CPA6: variants seen among roughly 807,000 people sequenced by gnomAD.
CPA6 encodes carboxypeptidase B.
In CPA6, 58 loss-of-function variants were observed where a neutral mutation model predicts 63.3. That is an observed-to-expected ratio of 0.92 (90% CI 0.74 to 1.14). The LOEUF is 1.14. Among genes scored for constraint, CPA6 ranks in the 50% most tolerant of loss-of-function variants. The probability of loss-of-function intolerance (pLI) is 0.00; values close to 1 mark genes in which losing one functional copy is unlikely to be tolerated. For missense variants in CPA6, 565 were observed against 526.6 expected (o/e 1.07, Z -0.71); for synonymous variants, 185 against 179.0 (o/e 1.03, Z -0.27).
chr8:67,719,633 G>T (rs1398837421), intron 1 of CPA6, among the ~76,000 whole-genome samples: 1 of 152,058 alleles, frequency 6.6e-6, no homozygotes, highest in Non-Finnish European at 1.5e-5. Context: ...ATTGGAGGGG[G>T]TGAAACTGGA....
At position 67,422,612 on chromosome 8, in the gene CPA6, A is replaced by C. The variant is rs779410265; in HGVS notation, c.1206T>G (p.Thr402=). The change falls in exon 11 of 11, where the codon ACT becomes ACG. Residue 402 remains threonine, a synonymous_variant. Coordinates refer to ENST00000297770, the MANE Select transcript of CPA6 (RefSeq NM_020361.5). ...CTGGGAGTAAAAATCCAAAATATCC[A>C]GTGTCACGTAGTTCGAAAGCAAATG... The part of the protein sequence containing the change: ...PYAFAFELRD[T]GYFGFLLPEM... 1 of 1,614,074 alleles carries C rather than the reference A, an allele frequency of 6.2e-7. No individual in the cohort carries two copies. The highest frequency in any genetic ancestry group is 8.5e-7 in the Non-Finnish European group (1 of 1,179,946).
intron 10 of CPA6, among the ~76,000 whole-genome samples, chr8:67,426,091 A>G (rs943747574): frequency 1.3e-5 from 2 of 151,782 alleles, no homozygotes; most frequent in African/African-American, 4.8e-5. Context: ...GCCTCAGCCA[A>G]CTGGGTAGCT....
At chr8:67,650,993 A>G (rs1466773442) in intron 1 of CPA6, among the ~76,000 whole-genome samples, 1 of 152,144 alleles carries the variant, frequency 6.6e-6, no homozygotes, top group African/African-American at 2.4e-5. Context: ...AAGAATAATC[A>G]GTGAGGGGAT....
chr8:67,541,613 C>T (rs146146579), intron 2 of CPA6, among the ~76,000 whole-genome samples: 13 of 152,204 alleles, frequency 8.5e-5, no homozygotes, highest in Admixed American at 7.2e-4. Flanking sequence ...TCAGGGAGCT[C>T]GGTTGTTGGA....
chr8:67,427,987 A>T, intron 10 of CPA6, 60 bp downstream of exon 10: 2 of 1,127,228 alleles, frequency 1.8e-6, no homozygotes, highest in Non-Finnish European at 2.6e-6. Flanking sequence ...AAAGGAAGTC[A>T]TGATACAGGA....
intron 1 of CPA6, among the ~76,000 whole-genome samples, chr8:67,677,298 T>C (rs933454541): frequency 2.6e-5 from 4 of 152,132 alleles, no homozygotes; most frequent in African/African-American, 9.7e-5. Context: ...TGCCTAGTCA[T>C]TTCTGCTGAA....
intron 2 of CPA6, among the ~76,000 whole-genome samples, chr8:67,596,874 T>G (rs147128057): frequency 6.2e-4 from 94 of 152,298 alleles, no homozygotes; most frequent in African/African-American, 2.1e-3. Context: ...AATTTGGGTT[T>G]ATCTGATATT....
chr8:67,422,627 G>T lies in CPA6; in HGVS notation c.1191C>A (p.Phe397Leu). The T allele has an allele frequency of 6.2e-7, 1 of 1,613,856 alleles. No individual in the cohort carries two copies. Among genetic ancestry groups the T allele is most frequent in the Non-Finnish European group, 8.5e-7 (1 of 1,179,920 alleles). ...YKNGIPYAFA[F>L]ELRDTGYFGF... Reference sequence around the variant, plus strand: ...CAAAATATCCAGTGTCACGTAGTTCGAAAGCAAATGCATAAGGTATTCCAT... The same window carrying T: ...CAAAATATCCAGTGTCACGTAGTTCTAAAGCAAATGCATAAGGTATTCCAT... Residue 397 changes from phenylalanine (F) to leucine (L), a missense_variant, in exon 11 of 11, where the codon TTC (phenylalanine) becomes TTA (leucine). By Grantham distance (22) the Phe-to-Leu change is conservative (BLOSUM62 0). Coordinates refer to ENST00000297770, the MANE Select transcript of CPA6 (RefSeq NM_020361.5).
chr8:67,433,432 G>C (rs185143006), intron 9 of CPA6, among the ~76,000 whole-genome samples: 65 of 152,266 alleles, frequency 4.3e-4, no homozygotes, highest in Middle Eastern at 6.8e-3. Context: ...AAGAAACTCT[G>C]CTTTTTCATT....
At chr8:67,613,820 A>G (rs1386959878) in intron 2 of CPA6, among the ~76,000 whole-genome samples, 2 of 152,140 alleles carry the variant, frequency 1.3e-5, no homozygotes, top group Non-Finnish European at 2.9e-5. Flanking sequence ...TCCTGCACCC[A>G]TATAAACCCT....
intron 2 of CPA6, among the ~76,000 whole-genome samples, chr8:67,535,480 CAT>C (rs1812565579): frequency 6.6e-6 from 1 of 152,136 alleles, no homozygotes; most frequent in South Asian, 2.1e-4. Context: ...GAGCTTTTTT[CAT>C]ATGTTTGTTG....
Position 67,422,095 on chromosome 8 carries a change from T to C in CPA6, c.*409A>G, listed in dbSNP as rs1433660617. ...CCTATGTTTATTACATTAAGAAGCA[T>C]AGTTGTTTTTTTCCATTTCATAATT... is the stretch of plus-strand genomic sequence containing the variant. On this transcript the variant is annotated 3_prime_UTR_variant, in exon 11 of 11. Coordinates refer to ENST00000297770, the MANE Select transcript of CPA6 (RefSeq NM_020361.5). 1 of 157,854 alleles carries C rather than the reference T, an allele frequency of 6.3e-6. No individual in the cohort carries two copies. The highest frequency in any genetic ancestry group is 1.4e-5 in the Non-Finnish European group (1 of 71,594). The allele number at this position is 157,854 out of a possible 1,614,324, so 9.8% of individuals were successfully genotyped here.
intron 8 of CPA6, among the ~76,000 whole-genome samples, chr8:67,440,990 C>T (rs1170356749): frequency 6.6e-6 from 1 of 152,080 alleles, no homozygotes; most frequent in African/African-American, 2.4e-5. Context: ...CACAAATAAC[C>T]TTTTTCCAAA....
At chr8:67,478,483 G>A (rs1205906819) in intron 8 of CPA6, among the ~76,000 whole-genome samples, 1 of 152,154 alleles carries the variant, frequency 6.6e-6, no homozygotes. Flanking sequence ...ATTTGAGGTT[G>A]GGGGCAATCT....
At chr8:67,718,754 C>T (rs1051908998) in intron 1 of CPA6, among the ~76,000 whole-genome samples, 3 of 151,002 alleles carry the variant, frequency 2.0e-5, no homozygotes, top group Non-Finnish European at 4.4e-5. Context: ...TCAAGTGATT[C>T]TCCTCCCTCA....
intron 2 of CPA6, among the ~76,000 whole-genome samples, chr8:67,537,382 G>A (rs1462756397): frequency 5.9e-5 from 9 of 152,104 alleles, no homozygotes; most frequent in Non-Finnish European, 8.8e-5. Context: ...ACTTGTTATT[G>A]GTCTATTTAG....
rs188289081 is a variant in CPA6, at chr8:67,564,489, C to T, written c.193-46442G>A. On this transcript the variant is annotated intron_variant, in intron 2 of 10. Transcript: ENST00000297770. ...TAGCTTATTTAATTCAGGCCTCCTACTTGTGACTCAAGAATATATCCTTTT... is the reference window on the plus strand; with the variant it reads ...TAGCTTATTTAATTCAGGCCTCCTATTTGTGACTCAAGAATATATCCTTTT... Among the ~76,000 whole-genome samples, 550 of 151,688 alleles carry T rather than the reference C, an allele frequency of 3.6e-3. 3 individuals carry two copies. The highest frequency in any genetic ancestry group is 0.012 in the African/African-American group (515 of 41,370).
At position 67,714,847 on chromosome 8, in the gene CPA6, G is replaced by A. The variant is rs1055502283; in HGVS notation, c.116+31167C>T. Among the ~76,000 whole-genome samples, 27 of 152,250 alleles carry A rather than the reference G, an allele frequency of 1.8e-4. No homozygotes were observed. The East Asian group carries it at 2.5e-3, about 14-fold the overall frequency. On this transcript the variant is annotated intron_variant, in intron 1 of 10. Coordinates refer to ENST00000297770, the MANE Select transcript of CPA6 (RefSeq NM_020361.5). ...AAAAACTTAATGTGCATCCAATACT[G>A]TTGGGATCCCTTTCTACTCTCATTG... is the stretch of plus-strand genomic sequence containing the variant.
intron 2 of CPA6, among the ~76,000 whole-genome samples, chr8:67,611,087 T>C (rs1814795196): frequency 9.9e-6 from 1 of 101,450 alleles, no homozygotes; most frequent in African/African-American, 7.1e-5. Context: ...TTTCACTCCT[T>C]CTTTTTTTTT....
Sources: gnomAD v4.1 joint callset for allele counts (sites outside exome capture counted in the v4.1 genomes callset) on GRCh38, gnomAD v4.1.1 for gene constraint, MANE v1.5 for transcripts, NCBI Gene and HGNC (gene_info 2026-07-23, HGNC 2026-07-21) for gene names.